COX15: variants seen among roughly 807,000 people sequenced by gnomAD.
The protein encoded by COX15 is heme A synthase COX15.
COX15 carries 51 observed loss-of-function variants against 51.9 expected under a neutral mutation model. That is an observed-to-expected ratio of 0.98 (90% CI 0.78 to 1.24). The LOEUF is 1.24. COX15 is among the 50% of genes most tolerant of loss of function. The pLI is 0.00. For synonymous variants in COX15, 188 were observed against 190.5 expected, an observed-to-expected ratio of 0.99 and a Z score of 0.11; for missense variants, 420 against 501.1, an observed-to-expected ratio of 0.84 and a Z score of 1.55.
rs1278498852 is a variant in COX15, at chr10:99,724,005, TAAAG to T, written c.697_700del (p.Leu233IlefsTer27). 1 of 1,613,868 alleles carries T rather than the reference TAAAG, an allele frequency of 6.2e-7. No individual in the cohort carries two copies. The highest frequency in any genetic ancestry group is 1.7e-5 in the Admixed American group (1 of 59,990). The stretch of plus-strand genomic sequence containing the variant: ...CAGTGAGGTCCACAAGCTGGCACAA[TAAAG>T]AACCAGGGCTGATCCCAGGTGGGCA... On this transcript the variant is annotated frameshift_variant, in exon 5 of 9. Coordinates refer to ENST00000016171, the MANE Select transcript of COX15 (RefSeq NM_078470.6). LOFTEE classifies it high-confidence loss of function.
chr10:99,729,152 C>T (rs1404758728), intron 2 of COX15, among the ~76,000 whole-genome samples: 2 of 152,152 alleles, frequency 1.3e-5, no homozygotes, highest in South Asian at 4.1e-4. Context: ...GGGAGCTAGA[C>T]TAGATGCTCT....
chr10:99,700,393 CGTGTGTGTGTGTGTGTGTGTAT>C, the COX15 span, among the ~76,000 whole-genome samples: 223 of 103,128 alleles, frequency 2.2e-3, 3 homozygotes, highest in South Asian at 0.02. Context: ...TCCAACGTAC[CGTGTGTGTGTGTGTGTGTGTAT>C]GTGTGTGTGT....
At chr10:99,727,254 T>C in intron 3 of COX15, 100 bp from the exon 4 acceptor site, 3 of 1,459,654 alleles carry the variant, frequency 2.1e-6, no homozygotes, top group Non-Finnish European at 2.8e-6. Context: ...GTCCTGCAAC[T>C]TGGTAGGTCT....
intron 4 of COX15, 135 bp from the exon 5 acceptor site, chr10:99,724,258 C>T: frequency 1.0e-6 from 1 of 962,968 alleles, no homozygotes; most frequent in Non-Finnish European, 1.6e-6. Context: ...TCTTGGCTCA[C>T]TGCAATCTCC....
chr10:99,719,396 G>A (rs372070819), intron 6 of COX15, among the ~76,000 whole-genome samples: 4 of 152,102 alleles, frequency 2.6e-5, no homozygotes, highest in East Asian at 1.9e-4. Context: ...GTTTCACCAC[G>A]TTGACCAGGC....
At position 99,713,389 on chromosome 10, in the gene COX15, A is replaced by G. The variant is rs758281199; in HGVS notation, c.*1198T>C. 3 of 1,613,870 alleles carry G rather than the reference A, an allele frequency of 1.9e-6. No individual in the cohort carries two copies. The highest frequency in any genetic ancestry group is 2.2e-5 in the East Asian group (1 of 44,866). On this transcript the variant is annotated 3_prime_UTR_variant, in exon 9 of 9. Coordinates refer to ENST00000016171, the MANE Select transcript of COX15 (RefSeq NM_078470.6). ...TGCCACTGTCATCTATTATATTAGC[A>G]ATATTGGGTTGCTCCATCCTCAAAT...
downstream of COX15, chr10:99,708,742 A>AC (rs957725332): frequency 1.3e-6 from 1 of 765,234 alleles, no homozygotes; most frequent in Non-Finnish European, 1.6e-6. Context: ...CTTCTGGTCA[A>AC]CCCCCTTGAT....
chr10:99,696,194 A>G, the COX15 span: 8 of 1,550,158 alleles, frequency 5.2e-6, no homozygotes, highest in Admixed American at 7.1e-5. Context: ...AAATACTCAC[A>G]TCCTCCTAAG....
the COX15 span, chr10:99,705,468 G>A: frequency 6.6e-6 from 1 of 152,216 alleles, no homozygotes; most frequent in Non-Finnish European, 1.5e-5. Context: ...TTAGTAGGAT[G>A]GAGAAACTGT....
rs374782649 is a variant in COX15, at chr10:99,716,357, C to T, written c.1092G>A (p.Ala364=). 49 of 1,610,770 alleles carry T rather than the reference C, an allele frequency of 3.0e-5. No individual in the cohort carries two copies. Among genetic ancestry groups the T allele is most frequent in the Middle Eastern group, 3.3e-4 (2 of 6,078 alleles). The change falls in exon 8 of 9, where the codon GCG becomes GCA. Residue 364 remains alanine (A), a synonymous_variant. Coordinates refer to ENST00000016171, the MANE Select transcript of COX15 (RefSeq NM_078470.6). ...AAGAAGTGGTTTATACCTGTGTATA[C>T]GCCAAAGCCAGCAGAGTCACTGCTG... ...KMAAVTLLAL[A]YTQVGLGIST...
At chr10:99,723,395 G>A (rs928848836) in intron 5 of COX15, among the ~76,000 whole-genome samples, 13 of 152,036 alleles carry the variant, frequency 8.6e-5, no homozygotes, top group African/African-American at 3.1e-4. Context: ...GCCTGCCTCT[G>A]CCTCCCAAAG....
chr10:99,699,040 G>A, the COX15 span, among the ~76,000 whole-genome samples: 1 of 152,172 alleles, frequency 6.6e-6, no homozygotes, highest in Non-Finnish European at 1.5e-5. Flanking sequence ...ATCTAGCTAT[G>A]CTGTACTGCC....
Position 99,729,501 on chromosome 10 carries a change from G to T in COX15, c.272+52C>A. The T allele has an allele frequency of 2.7e-6, 4 of 1,490,704 alleles. No individual in the cohort carries two copies. In the East Asian group the frequency reaches 6.8e-5, roughly 25 times the overall value. 92.3% of individuals were successfully genotyped at this position (1,490,704 alleles called of 1,614,324 possible). A position where few individuals can be genotyped will look rare whatever the true frequency, so the allele number is the denominator to read the frequency against. On this transcript the variant is annotated intron_variant, in intron 2 of 8. Transcript: ENST00000016171. ...AAAATCCTTTCTCCTCAGTCAACCTGTGCTTCTACTGATGATCCAAATACC... is the reference window on the plus strand; with the variant it reads ...AAAATCCTTTCTCCTCAGTCAACCTTTGCTTCTACTGATGATCCAAATACC...
At chr10:99,695,196 C>A in the COX15 span, among the ~76,000 whole-genome samples, 1 of 152,152 alleles carries the variant, frequency 6.6e-6, no homozygotes, top group Non-Finnish European at 1.5e-5. Flanking sequence ...CCAAACCTGT[C>A]ATAAGGAACC....
the COX15 span, chr10:99,702,476 CTCTT>C: frequency 6.7e-7 from 1 of 1,496,252 alleles, no homozygotes; most frequent in African/African-American, 1.4e-5. Context: ...GAATTCTTTT[CTCTT>C]TTTTTAAAAT....
At position 99,726,967 on chromosome 10, in the gene COX15, C is replaced by T; in HGVS notation, c.582+1G>A. ...GTTTCTCAACCTTGAATAAATCTTA[C>T]CTGGAAGCAGACGAGGCCACAGAGG... On this transcript the variant is annotated splice_donor_variant, in intron 4 of 8. Coordinates refer to ENST00000016171, the MANE Select transcript of COX15 (RefSeq NM_078470.6). LOFTEE classifies it high-confidence loss of function. 1 of 1,611,860 alleles carries T rather than the reference C, an allele frequency of 6.2e-7. No individual in the cohort carries two copies. The highest frequency in any genetic ancestry group is 1.1e-5 in the South Asian group (1 of 91,034).
Position 99,724,100 on chromosome 10 carries a change from C to T in COX15, c.606G>A (p.Val202=). ...CTGATTTTTCTTCTAGTCCACTTTT[C>T]ACCATATACCATCCCAACAGACCCT... is the stretch of plus-strand genomic sequence containing the variant. ...CFQGLLGWYM[V]KSGLEEKSDS... is the part of the protein sequence containing the mutation. Residue 202 remains valine (V), a synonymous_variant, in exon 5 of 9, where the codon GTG becomes GTA. Transcript: ENST00000016171. The T allele has an allele frequency of 6.2e-7, 1 of 1,614,160 alleles. No homozygotes were observed.
At chr10:99,710,425 G>A (rs761502080), downstream of COX15, 5 of 978,600 alleles carry the variant, frequency 5.1e-6, no homozygotes, top group Non-Finnish European at 6.0e-6. Flanking sequence ...GGAGTGTAGT[G>A]AAAGACATCT....
chr10:99,729,732 A>G lies in COX15; in HGVS notation c.93T>C (p.Cys31=), dbSNP rs1191150600. ...LAPRAAPRAQ[C]DCIRRPLRPG... ...GCCTCAAAGGGCGCCTGATGCAATC[A>G]CACTAAAGATCAAGATAGACAAATT... Residue 31 remains cysteine (C), a splice_region_variant and synonymous_variant, in exon 2 of 9, where the codon TGT becomes TGC. Coordinates refer to ENST00000016171, the MANE Select transcript of COX15 (RefSeq NM_078470.6). The G allele has an allele frequency of 1.9e-6, 3 of 1,613,954 alleles. No individual in the cohort carries two copies. The highest frequency in any genetic ancestry group is 2.2e-5 in the East Asian group (1 of 44,886).
Sources: gnomAD v4.1 joint callset for allele counts (sites outside exome capture counted in the v4.1 genomes callset) on GRCh38, gnomAD v4.1.1 for gene constraint, MANE v1.5 for transcripts, NCBI Gene and HGNC (gene_info 2026-07-23, HGNC 2026-07-21) for gene names.